Variants in UBE4B observed in about 807,000 individuals in gnomAD.
The protein encoded by UBE4B is ubiquitin conjugation factor E4 B.
A neutral mutation model predicts 148.1 loss-of-function variants in UBE4B; 27 were observed. That is an observed-to-expected ratio of 0.18 (90% confidence interval 0.13 to 0.25). The LOEUF (loss-of-function observed/expected upper bound fraction) is 0.25. UBE4B is among the 10% of genes least tolerant of loss of function. The pLI is 1.00. For missense variants in UBE4B, 1,170 were observed against 1,662.4 expected, an observed-to-expected ratio of 0.70 and a Z score of 5.15; for synonymous variants, 596 against 619.3, an observed-to-expected ratio of 0.96 and a Z score of 0.56.
chr1:10,102,388 G>A (rs1163203075), intron 4 of UBE4B, among the ~76,000 whole-genome samples: 10 of 67,484 alleles, frequency 1.5e-4, no homozygotes, highest in Non-Finnish European at 3.3e-4. Context: ...TAATGACTTT[G>A]CTCTTTTTTT....
intron 2 of UBE4B, among the ~76,000 whole-genome samples, chr1:10,086,215 T>C (rs1176512436): frequency 6.6e-6 from 1 of 152,050 alleles, no homozygotes; most frequent in Non-Finnish European, 1.5e-5. Flanking sequence ...TCGTGATCTA[T>C]CTGCCTCGGC....
At chr1:10,045,058 G>A (rs1198213554) in intron 1 of UBE4B, among the ~76,000 whole-genome samples, 1 of 152,156 alleles carries the variant, frequency 6.6e-6, no homozygotes, top group Non-Finnish European at 1.5e-5. Context: ...CCTAAGGAGG[G>A]TGCAATGTAG....
At chr1:10,178,441 T>G (rs1646459290) in intron 25 of UBE4B, among the ~76,000 whole-genome samples, 1 of 152,150 alleles carries the variant, frequency 6.6e-6, no homozygotes, top group Non-Finnish European at 1.5e-5. Flanking sequence ...CTTTATCCAT[T>G]TGTAAGCATA....
chr1:10,175,645 C>A (rs189476537), intron 25 of UBE4B, among the ~76,000 whole-genome samples: 1 of 151,160 alleles, frequency 6.6e-6, no homozygotes, highest in East Asian at 1.9e-4. Flanking sequence ...AGCGAGACTC[C>A]GTCTCAAATA....
At chr1:10,095,191 A>T (rs773944072) in intron 2 of UBE4B, among the ~76,000 whole-genome samples, 2 of 152,190 alleles carry the variant, frequency 1.3e-5, no homozygotes, top group African/African-American at 2.4e-5. Context: ...AATTGGTGCA[A>T]GAGAGGTGAT....
chr1:10,106,649 G>A lies in UBE4B; in HGVS notation c.1196+66G>A. The stretch of plus-strand genomic sequence containing the variant: ...CAGGGAAAGGAGATTAACACGGTTT[G>A]GAAGAAGTGCTGTGTGACACTGACT... On this transcript the variant is annotated intron_variant, in intron 7 of 27. Coordinates refer to ENST00000343090, the MANE Select transcript of UBE4B (RefSeq NM_001105562.3). The surrounding 1 kb of genome is among the most constrained non-coding windows in gnomAD (Gnocchi z 4.2). 6.8e-7 allele frequency: 1 copy of A among 1,480,224 alleles called. No homozygotes were observed. The allele number at this position is 1,480,224 out of a possible 1,614,324, so 91.7% of individuals were successfully genotyped here.
chr1:10,036,754 A>G lies in UBE4B; in HGVS notation c.24+3060A>G, dbSNP rs1320236653. Among the ~76,000 whole-genome samples the G allele has an allele frequency of 2.0e-5, 3 of 152,290 alleles. No individual in the cohort carries two copies. In the East Asian group the frequency reaches 5.8e-4, roughly 29 times the overall value. On this transcript the variant is annotated intron_variant, in intron 1 of 27. Coordinates refer to ENST00000343090, the MANE Select transcript of UBE4B (RefSeq NM_001105562.3). ...TACTCTGTAGTTGAAAACTTGTGTC[A>G]GATATGGTAGGTGACATTGATTTGA...
intron 1 of UBE4B, among the ~76,000 whole-genome samples, chr1:10,035,909 A>T (rs1481832271): frequency 6.8e-6 from 1 of 146,364 alleles, no homozygotes; most frequent in Non-Finnish European, 1.5e-5. Context: ...ACGCCCGGCT[A>T]ATTTTTTGTG....
intron 27 of UBE4B, 115 bp from the exon 28 acceptor site, chr1:10,179,780 G>A: frequency 7.0e-7 from 1 of 1,435,818 alleles, no homozygotes; most frequent in Non-Finnish European, 9.5e-7. Flanking sequence ...GGAGTCTTCG[G>A]CTCAATGAGG....
At chr1:10,096,589 GCAGGCGCCTGTAATCT>G (rs1372841555) in intron 3 of UBE4B, among the ~76,000 whole-genome samples, 2 of 152,142 alleles carry the variant, frequency 1.3e-5, no homozygotes, top group African/African-American at 4.8e-5. Flanking sequence ...GGGCCTGGTG[GCAGGCGCCTGTAATCT>G]CAGCTACTGG....
chr1:10,052,779 C>CTATTA (rs1334300944), intron 1 of UBE4B, among the ~76,000 whole-genome samples: 5 of 152,254 alleles, frequency 3.3e-5, no homozygotes, highest in Middle Eastern at 3.4e-3. Context: ...TTCATTTGGA[C>CTATTA]TATTATAACA....
rs146360828 is a variant in UBE4B, at chr1:10,153,127, C to A, written c.2926+1566C>A. On this transcript the variant is annotated intron_variant, in intron 21 of 27. Coordinates refer to ENST00000343090, the MANE Select transcript of UBE4B (RefSeq NM_001105562.3). ...TCAGTTTTCCAGTTCTCCTGCAGCACCCCCTATTGGCAACCCTAGAGAGGG... is the reference window on the plus strand; with the variant it reads ...TCAGTTTTCCAGTTCTCCTGCAGCAACCCCTATTGGCAACCCTAGAGAGGG... 4.5e-3 allele frequency among the ~76,000 whole-genome samples: 688 copies of A among 152,080 alleles called. 1 individual carries two copies. The highest frequency in any genetic ancestry group is 7.8e-3 in the Non-Finnish European group (529 of 68,000).
intron 17 of UBE4B, among the ~76,000 whole-genome samples, chr1:10,140,767 G>A (rs927793095): frequency 1.3e-5 from 2 of 152,188 alleles, no homozygotes; most frequent in African/African-American, 4.8e-5. Context: ...CTAGGACATA[G>A]TTGGGGTGTG....
intron 1 of UBE4B, among the ~76,000 whole-genome samples, chr1:10,034,225 C>A (rs916419556): frequency 6.6e-6 from 1 of 152,146 alleles, no homozygotes; most frequent in Non-Finnish European, 1.5e-5. Flanking sequence ...TGTATCTTCT[C>A]CACAGTTTAG....
chr1:10,062,956 CA>C (rs529503429), intron 1 of UBE4B, among the ~76,000 whole-genome samples: 1,224 of 82,472 alleles, frequency 0.015, 9 homozygotes, highest in Non-Finnish European at 0.019. Context: ...AACTCCGTCT[CA>C]AAAAAAAAAA....
At chr1:10,107,957 A>G (rs2101898109) in intron 7 of UBE4B, among the ~76,000 whole-genome samples, 1 of 152,330 alleles carries the variant, frequency 6.6e-6, no homozygotes, top group East Asian at 1.9e-4. Context: ...ATGAAAACAG[A>G]TTAAAGATCA....
At chr1:10,178,404 G>C (rs998497226) in intron 25 of UBE4B, among the ~76,000 whole-genome samples, 1 of 152,044 alleles carries the variant, frequency 6.6e-6, no homozygotes, top group African/African-American at 2.4e-5. Flanking sequence ...GAGTGACCTC[G>C]TACAGTTTGG....
At chr1:10,176,883 T>G (rs1389587360) in intron 25 of UBE4B, among the ~76,000 whole-genome samples, 1 of 151,318 alleles carries the variant, frequency 6.6e-6, no homozygotes, top group Non-Finnish European at 1.5e-5. Flanking sequence ...CCTCCCAGAT[T>G]CAAGCAATTC....
chr1:10,179,968 G>A lies in UBE4B; in HGVS notation c.*12G>A, dbSNP rs377106861. ...ACAGCGATCACTAAACCGTTCCGCC[G>A]CCCACCCTCTGCTAGACACAGCCAA... On this transcript the variant is annotated 3_prime_UTR_variant, in exon 28 of 28. Coordinates refer to ENST00000343090, the MANE Select transcript of UBE4B (RefSeq NM_001105562.3). The A allele has an allele frequency of 4.0e-5, 64 of 1,613,794 alleles. No homozygotes were observed. The highest frequency in any genetic ancestry group is 5.1e-5 in the Non-Finnish European group (60 of 1,179,974).
Sources: gnomAD v4.1 joint callset for allele counts (sites outside exome capture counted in the v4.1 genomes callset) on GRCh38, gnomAD v4.1.1 for gene constraint, Gnocchi (gnomAD v3.1) non-coding constraint, MANE v1.5 for transcripts, NCBI Gene and HGNC (gene_info 2026-07-23, HGNC 2026-07-21) for gene names.